SWI5: variants seen among roughly 807,000 people sequenced by gnomAD.
The protein encoded by SWI5 is DNA repair protein SWI5 homolog.
Under a neutral mutation model 17.0 loss-of-function variants are expected in SWI5, and 12 were observed. That is an observed-to-expected ratio of 0.71 (90% CI 0.45 to 1.14). SWI5 has a LOEUF of 1.14. SWI5 is among the 50% of genes most tolerant of loss of function. SWI5 has a pLI of 0.00. For missense variants in SWI5, 158 were observed against 162.2 expected, an observed-to-expected ratio of 0.97 and a Z score of 0.14; for synonymous variants, 61 against 64.0, an observed-to-expected ratio of 0.95 and a Z score of 0.22.
chr9:128,286,092 G>A (rs1396605613), intron 4 of SWI5, 59 bp downstream of exon 4: 9 of 1,345,838 alleles, frequency 6.7e-6, no homozygotes, highest in African/African-American at 1.4e-5. Flanking sequence ...TCTCGCCTAG[G>A]GGTGTTGGGT....
At chr9:128,275,909 G>A (rs1265438027), upstream of SWI5, 2 of 1,578,596 alleles carry the variant, frequency 1.3e-6, no homozygotes, top group South Asian at 1.1e-5. Context: ...CTTCGCTGCG[G>A]CCAATTTGCT....
intron 2 of SWI5, chr9:128,278,671 C>T (rs1313041831): frequency 8.5e-6 from 4 of 471,688 alleles, no homozygotes; most frequent in Non-Finnish European, 1.8e-5. Flanking sequence ...CTTTACTGTC[C>T]CCATGTTGAG....
At chr9:128,276,027 G>C, upstream of SWI5, 1 of 1,590,838 alleles carries the variant, frequency 6.3e-7, no homozygotes. Flanking sequence ...CCGCGCAGCT[G>C]TGCGACGGAG....
At chr9:128,278,515 C>T (rs1002761517) in intron 2 of SWI5, 9 of 390,550 alleles carry the variant, frequency 2.3e-5, no homozygotes, top group African/African-American at 8.6e-5. Flanking sequence ...TGCAGTGAGC[C>T]GAGATCACCC....
chr9:128,278,947 A>G (rs1277798495), intron 2 of SWI5, among the ~76,000 whole-genome samples: 1 of 139,410 alleles, frequency 7.2e-6, no homozygotes, highest in African/African-American at 3.1e-5. Flanking sequence ...TAATTTTTAT[A>G]TTTTTAGTAG....
At position 128,276,889 on chromosome 9, in the gene SWI5, A is replaced by T. The variant is rs903506000; in HGVS notation, c.111+134A>T. 10 of 912,494 alleles carry T rather than the reference A, an allele frequency of 1.1e-5. No individual in the cohort carries two copies. The Admixed American group carries it at 2.4e-4, about 22-fold the overall frequency. 56.5% of individuals were successfully genotyped at this position (912,494 alleles called of 1,614,324 possible). On this transcript the variant is annotated intron_variant, in intron 2 of 4. Transcript: ENST00000418976. ...CATATCTTCTCCCAGTCGACTGAGA[A>T]CCGCCAGGTCATTCCCGAATCCCTC...
exon 1 of SWI5, chr9:128,276,331 G>A: frequency 1.2e-6 from 2 of 1,613,140 alleles, no homozygotes; most frequent in Non-Finnish European, 1.7e-6. Context: ...GTCGCTCTCC[G>A]ACTCCCGCGC....
Position 128,285,181 on chromosome 9 carries a change from C to A in SWI5, c.233+550C>A, listed in dbSNP as rs1042863424. 2.3e-5 allele frequency among the ~76,000 whole-genome samples: 3 copies of A among 132,734 alleles called. No individual in the cohort carries two copies. In the Admixed American group the frequency reaches 2.7e-4, roughly 12 times the overall value. 87.1% of individuals were successfully genotyped at this position (132,734 alleles called of 152,430 possible). A position where few individuals can be genotyped will look rare whatever the true frequency, so the allele number is the denominator to read the frequency against. Reference sequence around the variant, plus strand: ...ACTTGGTAAAGAAAGAGAAAGAGGGCGAGAGGGAGAGAGAGAGGAGAGGAA... The same window carrying A: ...ACTTGGTAAAGAAAGAGAAAGAGGGAGAGAGGGAGAGAGAGAGGAGAGGAA... On this transcript the variant is annotated intron_variant, in intron 3 of 4. Transcript: ENST00000418976. The surrounding 1 kb of genome is among the most constrained non-coding windows in gnomAD (Gnocchi z 4.8).
At chr9:128,283,694 GT>G (rs752581350) in intron 2 of SWI5, among the ~76,000 whole-genome samples, 3 of 152,178 alleles carry the variant, frequency 2.0e-5, no homozygotes, top group Non-Finnish European at 4.4e-5. Context: ...CCTCCATCTG[GT>G]TCCACCACAT....
chr9:128,283,787 G>A (rs915417147), intron 2 of SWI5, among the ~76,000 whole-genome samples: 1 of 152,178 alleles, frequency 6.6e-6, no homozygotes, highest in Non-Finnish European at 1.5e-5. Flanking sequence ...CAGCGGGAAG[G>A]GAGACGGCCA....
intron 2 of SWI5, 85 bp downstream of exon 2, chr9:128,276,840 G>A: frequency 7.2e-7 from 1 of 1,387,616 alleles, no homozygotes; most frequent in Non-Finnish European, 9.9e-7. Flanking sequence ...CCCAACAGCA[G>A]CCAATCCCCG....
upstream of SWI5, chr9:128,275,838 G>A: frequency 1.1e-6 from 1 of 917,266 alleles, no homozygotes; most frequent in Non-Finnish European, 1.7e-6. Flanking sequence ...CCATGGTCCT[G>A]CCATCGGAGT....
intron 2 of SWI5, among the ~76,000 whole-genome samples, chr9:128,279,279 T>C (rs1831494323): frequency 6.6e-6 from 1 of 151,750 alleles, no homozygotes; most frequent in Non-Finnish European, 1.5e-5. Context: ...AGACAAGAGA[T>C]TGTAAGAAAT....
exon 5 of SWI5, chr9:128,288,802 CAG>C: frequency 6.9e-7 from 1 of 1,450,960 alleles, no homozygotes; most frequent in Admixed American, 1.7e-5. Flanking sequence ...AGCACACCTA[CAG>C]AGTTTCCAGC....
At chr9:128,288,592 T>C (rs2131427487) in intron 4 of SWI5, 60 bp from the exon 5 acceptor site, 3 of 1,588,794 alleles carry the variant, frequency 1.9e-6, no homozygotes, top group Non-Finnish European at 2.6e-6. Flanking sequence ...CTCGGGGCAT[T>C]GGCTGTACTC....
At chr9:128,286,770 GGAACTATA>G (rs1454049022) in intron 4 of SWI5, among the ~76,000 whole-genome samples, 1 of 152,144 alleles carries the variant, frequency 6.6e-6, no homozygotes, top group Non-Finnish European at 1.5e-5. Context: ...ACTGGAGGTG[GGAACTATA>G]GATGGATGAA....
intron 1 of SWI5, 121 bp downstream of exon 1, chr9:128,276,523 C>G (rs1831384402): frequency 6.4e-7 from 1 of 1,568,302 alleles, no homozygotes; most frequent in Non-Finnish European, 8.7e-7. Context: ...ACCCCCGTCT[C>G]AGAACGCCCC....
rs374963645 is a variant in SWI5, at chr9:128,285,985, G to A, written c.280G>A (p.Glu94Lys). 18 of 1,614,090 alleles carry A rather than the reference G, an allele frequency of 1.1e-5. No homozygotes were observed. The African/African-American group carries it at 1.7e-4, about 16-fold the overall frequency. ...GGAGGACCACATTACCCAGCTTCAC[G>A]AGTACAATGACATCAAGGATGTGGG... is the stretch of plus-strand genomic sequence containing the variant. The change falls in exon 4 of 5, where the codon GAG (glutamate) becomes AAG (lysine). Residue 94 changes from glutamate to lysine, a missense_variant. By Grantham distance (56) the Glu-to-Lys change is moderately conservative. Coordinates refer to ENST00000418976, the Ensembl canonical transcript of SWI5. The surrounding 1 kb of genome is among the most constrained non-coding windows in gnomAD (Gnocchi z 4.8).
At chr9:128,283,956 G>A (rs1266580053) in intron 2 of SWI5, among the ~76,000 whole-genome samples, 1 of 151,622 alleles carries the variant, frequency 6.6e-6, no homozygotes, top group African/African-American at 2.4e-5. Context: ...TCACGCCACT[G>A]CAATCCAGCC....
Sources: gnomAD v4.1 joint callset for allele counts (sites outside exome capture counted in the v4.1 genomes callset) on GRCh38, gnomAD v4.1.1 for gene constraint, Gnocchi (gnomAD v3.1) non-coding constraint, MANE v1.5 for transcripts, NCBI Gene and HGNC (gene_info 2026-07-23, HGNC 2026-07-21) for gene names.